The following ITFG1 variants were observed in gnomAD, a reference collection of about 807,000 sequenced individuals.
ITFG1 encodes T-cell immunomodulatory protein.
A neutral mutation model predicts 81.8 loss-of-function variants in ITFG1; 34 were observed. The observed-to-expected ratio is 0.42, with a 90% CI of 0.32 to 0.55. ITFG1 has a LOEUF of 0.55. Ranked by LOEUF, ITFG1 falls within the 20% of genes least tolerant of loss-of-function variation. The pLI is 0.17. For synonymous variants in ITFG1, 285 were observed against 270.6 expected, an observed-to-expected ratio of 1.05 and a Z score of -0.52; for missense variants, 672 against 755.4, an observed-to-expected ratio of 0.89 and a Z score of 1.29.
intron 6 of ITFG1, among the ~76,000 whole-genome samples, chr16:47,400,199 T>C (rs1968643021): frequency 6.6e-6 from 1 of 152,218 alleles, no homozygotes; most frequent in South Asian, 2.1e-4. Context: ...ATTGGCTTGC[T>C]TGTACTTTCC....
intron 10 of ITFG1, among the ~76,000 whole-genome samples, chr16:47,268,487 C>T (rs531741298): frequency 2.0e-5 from 3 of 152,346 alleles, no homozygotes; most frequent in South Asian, 2.1e-4. Flanking sequence ...ATGAGAAAGA[C>T]ATACTTCCCA....
intron 5 of ITFG1, among the ~76,000 whole-genome samples, chr16:47,433,812 C>T (rs1969124892): frequency 1.4e-5 from 2 of 141,238 alleles, no homozygotes; most frequent in South Asian, 4.5e-4. Context: ...CACATACACA[C>T]ACGTATAGTT....
chr16:47,441,447 C>T (rs1280450532), intron 5 of ITFG1, among the ~76,000 whole-genome samples: 2 of 152,070 alleles, frequency 1.3e-5, no homozygotes, highest in Non-Finnish European at 2.9e-5. Context: ...ACTGGCAAAC[C>T]GAATCCAACA....
intron 7 of ITFG1, among the ~76,000 whole-genome samples, chr16:47,371,526 T>C (rs140172460): frequency 2.0e-5 from 3 of 152,350 alleles, no homozygotes; most frequent in East Asian, 1.9e-4. Context: ...GCAAGTAGCC[T>C]TTCATAGATG....
chr16:47,444,332 T>C (rs1447277672), intron 5 of ITFG1, among the ~76,000 whole-genome samples: 1 of 152,204 alleles, frequency 6.6e-6, no homozygotes, highest in Non-Finnish European at 1.5e-5. Context: ...ATAATTTATG[T>C]TACAAGAAAT....
chr16:47,382,766 A>G (rs1968412011), intron 6 of ITFG1, among the ~76,000 whole-genome samples: 1 of 152,254 alleles, frequency 6.6e-6, no homozygotes, highest in South Asian at 2.1e-4. Context: ...GCAGCAAATA[A>G]TGATAGGAAC....
chr16:47,395,026 T>A (rs537605957), intron 6 of ITFG1, among the ~76,000 whole-genome samples: 1 of 152,168 alleles, frequency 6.6e-6, no homozygotes, highest in African/African-American at 2.4e-5. Context: ...TATGGACAAT[T>A]TCTACTAAGA....
chr16:47,174,391 G>A (rs1964997723), intron 14 of ITFG1, among the ~76,000 whole-genome samples: 1 of 152,096 alleles, frequency 6.6e-6, no homozygotes, highest in Non-Finnish European at 1.5e-5. Context: ...GGTAGGAAGA[G>A]GAAGACCCAC....
At chr16:47,224,625 T>C (rs1231096323) in intron 13 of ITFG1, among the ~76,000 whole-genome samples, 1 of 152,138 alleles carries the variant, frequency 6.6e-6, no homozygotes, top group African/African-American at 2.4e-5. Context: ...TTTCTGGAGT[T>C]GACGTATAGT....
At chr16:47,330,871 G>T (rs1967627886) in intron 8 of ITFG1, among the ~76,000 whole-genome samples, 1 of 152,154 alleles carries the variant, frequency 6.6e-6, no homozygotes, top group Non-Finnish European at 1.5e-5. Flanking sequence ...CACACTGTTG[G>T]TGGAAATGTA....
intron 8 of ITFG1, among the ~76,000 whole-genome samples, chr16:47,362,780 C>A (rs1394421356): frequency 1.3e-5 from 2 of 152,166 alleles, no homozygotes; most frequent in African/African-American, 4.8e-5. Flanking sequence ...CAATGAAATG[C>A]AGTTTGGTTT....
At chr16:47,346,988 CAT>C (rs1417704896) in intron 8 of ITFG1, among the ~76,000 whole-genome samples, 1 of 152,186 alleles carries the variant, frequency 6.6e-6, no homozygotes, top group Non-Finnish European at 1.5e-5. Flanking sequence ...CCCTGATAAA[CAT>C]AGATCAAAAA....
intron 8 of ITFG1, among the ~76,000 whole-genome samples, chr16:47,359,463 T>A (rs1048848613): frequency 2.6e-5 from 4 of 152,188 alleles, no homozygotes; most frequent in Admixed American, 2.0e-4. Flanking sequence ...CCCCTCAACA[T>A]CTAATCCATC....
chr16:47,243,495 TTTG>T (rs1357265344), intron 12 of ITFG1, among the ~76,000 whole-genome samples: 1 of 152,198 alleles, frequency 6.6e-6, no homozygotes, highest in Non-Finnish European at 1.5e-5. Context: ...GGGAAGATAA[TTTG>T]TTATTATTGA....
At chr16:47,296,400 C>T (rs1398819651) in intron 10 of ITFG1, among the ~76,000 whole-genome samples, 3 of 151,978 alleles carry the variant, frequency 2.0e-5, no homozygotes, top group Non-Finnish European at 2.9e-5. Flanking sequence ...AAAGACTGTT[C>T]AGGAGTGTGT....
intron 14 of ITFG1, among the ~76,000 whole-genome samples, chr16:47,165,454 T>C (rs538031887): frequency 3.3e-5 from 5 of 152,376 alleles, no homozygotes; most frequent in Admixed American, 2.0e-4. Flanking sequence ...CCTTGTGGAA[T>C]TGAGCTGATT....
At chr16:47,291,726 C>T (rs1966908107) in intron 10 of ITFG1, among the ~76,000 whole-genome samples, 1 of 152,174 alleles carries the variant, frequency 6.6e-6, no homozygotes, top group Non-Finnish European at 1.5e-5. Context: ...ATGAAGTCTG[C>T]TACTGCAGCT....
intron 5 of ITFG1, among the ~76,000 whole-genome samples, chr16:47,435,305 C>A (rs1969151867): frequency 6.6e-6 from 1 of 152,048 alleles, no homozygotes; most frequent in Admixed American, 6.5e-5. Flanking sequence ...TATATGTGCC[C>A]AACTCCATTT....
intron 6 of ITFG1, among the ~76,000 whole-genome samples, chr16:47,379,044 T>G (rs1057184529): frequency 6.6e-6 from 1 of 152,184 alleles, no homozygotes; most frequent in African/African-American, 2.4e-5. Context: ...TTAGCCCTCT[T>G]TGGAACAACT....
Sources: gnomAD v4.1 joint callset for allele counts (sites outside exome capture counted in the v4.1 genomes callset) on GRCh38, gnomAD v4.1.1 for gene constraint, MANE v1.5 for transcripts, NCBI Gene and HGNC (gene_info 2026-07-23, HGNC 2026-07-21) for gene names.